BCAP29: variants seen among roughly 807,000 people sequenced by gnomAD.
BCAP29 encodes B-cell receptor-associated protein 29.
BCAP29 carries 34 observed loss-of-function variants against 31.8 expected under a neutral mutation model. The observed-to-expected ratio is 1.07, with a 90% CI of 0.81 to 1.42. BCAP29 has a LOEUF of 1.42. Among genes scored for constraint, BCAP29 ranks in the 40% most tolerant of loss-of-function variants. BCAP29 has a pLI of 0.00. For missense variants in BCAP29, 314 were observed against 269.2 expected, an observed-to-expected ratio of 1.17 and a Z score of -1.16; for synonymous variants, 104 against 91.3, an observed-to-expected ratio of 1.14 and a Z score of -0.79.
At chr7:107,611,792 G>A (rs535992789) in intron 6 of BCAP29, among the ~76,000 whole-genome samples, 1 of 152,284 alleles carries the variant, frequency 6.6e-6, no homozygotes, top group Non-Finnish European at 1.5e-5. Context: ...AGCTATAGAA[G>A]GAACATGGAG....
At chr7:107,615,840 T>C (rs1814029242) in intron 7 of BCAP29, 1 of 155,264 alleles carries the variant, frequency 6.4e-6, no homozygotes. Context: ...TCGTATATGT[T>C]GTTTTGTTTA....
chr7:107,615,290 A>G (rs183467202), intron 7 of BCAP29: 3 of 456,710 alleles, frequency 6.6e-6, no homozygotes, highest in African/African-American at 4.0e-5. Flanking sequence ...TGGTAAAGGA[A>G]GTAGAAAGCT....
chr7:107,599,307 T>TATATATAA (rs1424676538), intron 5 of BCAP29, among the ~76,000 whole-genome samples: 1 of 38,290 alleles, frequency 2.6e-5, no homozygotes, highest in East Asian at 4.9e-4. Context: ...TATATATAAA[T>TATATATAA]TTTATATATA....
chr7:107,611,128 C>T (rs532354652), intron 6 of BCAP29, among the ~76,000 whole-genome samples: 4 of 152,174 alleles, frequency 2.6e-5, no homozygotes, highest in Non-Finnish European at 2.9e-5. Context: ...TATTAGTGCA[C>T]GAATCCCATT....
chr7:107,581,925 T>C (rs1487316146), intron 2 of BCAP29, among the ~76,000 whole-genome samples: 1 of 152,198 alleles, frequency 6.6e-6, no homozygotes, highest in Non-Finnish European at 1.5e-5. Context: ...TATCACGTAC[T>C]GAGACCCAGG....
At chr7:107,610,802 A>C (rs1462353888) in intron 6 of BCAP29, among the ~76,000 whole-genome samples, 1 of 152,222 alleles carries the variant, frequency 6.6e-6, no homozygotes, top group African/African-American at 2.4e-5. Flanking sequence ...TACTGGGTTG[A>C]TATCTAAGAT....
intron 6 of BCAP29, among the ~76,000 whole-genome samples, chr7:107,609,145 A>G (rs1812684033): frequency 1.3e-5 from 2 of 152,210 alleles, no homozygotes; most frequent in African/African-American, 4.8e-5. Context: ...GAGATGGACA[A>G]GGTGTTATAA....
chr7:107,596,850 T>A (rs115445485), intron 5 of BCAP29, among the ~76,000 whole-genome samples: 3,581 of 152,334 alleles, frequency 0.024, 142 homozygotes, highest in African/African-American at 0.081. Context: ...CTCTTGGAAT[T>A]GTTTTCAGAA....
chr7:107,600,480 A>G lies in BCAP29; in HGVS notation c.564A>G (p.Lys188=). 1.2e-6 allele frequency: 2 copies of G among 1,604,608 alleles called. No individual in the cohort carries two copies. The highest frequency in any genetic ancestry group is 1.7e-6 in the Non-Finnish European group (2 of 1,172,836). ...TAGTAGAAGACCAGGAGAAACTGAA[A>G]ACTGAATTAAGGAAGACTTCAGATG... ...KKLVEDQEKL[K]TELRKTSDAL... Residue 188 remains lysine (K), a synonymous_variant, in exon 6 of 8, where the codon AAA becomes AAG. Transcript: ENST00000005259.
At chr7:107,622,059 C>T (rs1293875472), downstream of BCAP29, 5 of 433,868 alleles carry the variant, frequency 1.2e-5, no homozygotes, top group Non-Finnish European at 2.3e-5. Flanking sequence ...ATCTTAGTTA[C>T]TTTTCTCCTT....
In BCAP29 at chr7:107,613,337, T is replaced by C; in HGVS notation, c.595T>C (p.Ser199Pro). 1.2e-6 allele frequency: 2 copies of C among 1,603,984 alleles called. No homozygotes were observed. The highest frequency in any genetic ancestry group is 1.7e-6 in the Non-Finnish European group (2 of 1,173,484). The change falls in exon 7 of 8, where the codon TCT becomes CCT. Residue 199 changes from serine (S) to proline (P), a missense_variant. Coordinates refer to ENST00000005259, the MANE Select transcript of BCAP29 (RefSeq NM_018844.4). ...TELRKTSDAL[S>P]KAQNDVMEMK... is the part of the protein sequence containing the mutation. ...AACTATTCGATATTTTCTAGCCCTT[T>C]CTAAGGCACAAAATGATGTGATGGA...
chr7:107,594,221 C>T (rs1030978422), intron 4 of BCAP29, 116 bp downstream of exon 4: 143 of 942,958 alleles, frequency 1.5e-4, no homozygotes, highest in Non-Finnish European at 2.8e-5. Flanking sequence ...CAACCTTTCG[C>T]TCTGTTGCCC....
chr7:107,620,892 T>A (rs1814903461), downstream of BCAP29: 1 of 152,256 alleles, frequency 6.6e-6, no homozygotes, highest in Admixed American at 6.5e-5. Context: ...GTTTAACTAC[T>A]CTCTGAGATA....
At chr7:107,599,239 A>T (rs1157946408) in intron 5 of BCAP29, among the ~76,000 whole-genome samples, 2 of 129,188 alleles carry the variant, frequency 1.5e-5, no homozygotes, top group African/African-American at 6.0e-5. Flanking sequence ...ATATATATTT[A>T]TATATAAATA....
intron 3 of BCAP29, among the ~76,000 whole-genome samples, chr7:107,585,508 T>C (rs1165117041): frequency 6.6e-6 from 1 of 152,206 alleles, no homozygotes. Flanking sequence ...AAAGGACCTT[T>C]GAAATGGCTT....
downstream of BCAP29, chr7:107,621,764 C>G (rs1314464252): frequency 3.0e-5 from 14 of 473,492 alleles, no homozygotes; most frequent in Admixed American, 3.3e-4. Flanking sequence ...ACAGATTCTT[C>G]CCCAGAGCCT....
intron 6 of BCAP29, among the ~76,000 whole-genome samples, chr7:107,606,593 T>C (rs1162092028): frequency 6.6e-6 from 1 of 152,146 alleles, no homozygotes; most frequent in Non-Finnish European, 1.5e-5. Context: ...AACACAAGTG[T>C]GCTATGTGAA....
intron 2 of BCAP29, among the ~76,000 whole-genome samples, 173 bp downstream of exon 2, chr7:107,581,037 A>G (rs1806559925): frequency 6.6e-6 from 1 of 152,262 alleles, no homozygotes; most frequent in African/African-American, 2.4e-5. Context: ...AAACTCTGTT[A>G]CGTGTACAAG....
At chr7:107,600,563 A>T in intron 6 of BCAP29, 58 bp downstream of exon 6, 1 of 997,440 alleles carries the variant, frequency 1.0e-6, no homozygotes, top group Non-Finnish European at 1.5e-6. Context: ...TATGCTGTAC[A>T]CTTCACTGTT....
Sources: gnomAD v4.1 joint callset for allele counts (sites outside exome capture counted in the v4.1 genomes callset) on GRCh38, gnomAD v4.1.1 for gene constraint, MANE v1.5 for transcripts, NCBI Gene and HGNC (gene_info 2026-07-23, HGNC 2026-07-21) for gene names.